MARCHF1: variants seen among roughly 807,000 people sequenced by gnomAD.
MARCHF1 encodes E3 ubiquitin-protein ligase MARCHF1.
Under a neutral mutation model 54.2 loss-of-function variants are expected in MARCHF1, and 40 were observed. The ratio of observed to expected loss-of-function variants is 0.74; its 90% CI spans 0.57 to 0.96. MARCHF1 has a LOEUF of 0.96. Among genes scored for constraint, MARCHF1 ranks in the 40% least tolerant of loss-of-function variants. The pLI is 0.00. For missense variants in MARCHF1, 586 were observed against 656.5 expected (o/e 0.89, Z 1.17); for synonymous variants, 236 against 236.3 (o/e 1.00, Z 0.01).
chr4:163,989,527 C>T (rs946946937), intron 2 of MARCHF1, among the ~76,000 whole-genome samples: 3 of 152,106 alleles, frequency 2.0e-5, no homozygotes, highest in Non-Finnish European at 4.4e-5. Context: ...AGCAGCTTCT[C>T]CTTGCTTTTC....
At chr4:164,062,055 G>C (rs1754628812) in intron 2 of MARCHF1, among the ~76,000 whole-genome samples, 1 of 152,176 alleles carries the variant, frequency 6.6e-6, no homozygotes, top group African/African-American at 2.4e-5. Context: ...CCCTCCTGCT[G>C]CTTTATCAAC....
intron 1 of MARCHF1, among the ~76,000 whole-genome samples, chr4:164,171,422 TGATTTGAAAG>T (rs1450984262): frequency 6.6e-6 from 1 of 152,160 alleles, no homozygotes; most frequent in Non-Finnish European, 1.5e-5. Context: ...TCTACCCACT[TGATTTGAAAG>T]TGTATGGCTT....
chr4:163,689,796 C>A lies in MARCHF1; in HGVS notation c.162+11017G>T, dbSNP rs558074214. Among the ~76,000 whole-genome samples the A allele has an allele frequency of 4.6e-5, 7 of 152,098 alleles. 1 individual carries two copies. In the South Asian group the frequency reaches 1.0e-3, roughly 23 times the overall value. On this transcript the variant is annotated intron_variant, in intron 5 of 9. Transcript: ENST00000514618. ...CATCATCTGGCATATTTAAAATACA[C>A]GATATCCTAAATTCATGTCATAAGT...
chr4:164,377,852 A>G (rs16999488), intron 1 of MARCHF1, among the ~76,000 whole-genome samples: 3,458 of 152,302 alleles, frequency 0.023, 154 homozygotes, highest in African/African-American at 0.079. Flanking sequence ...TTCGTTTTAT[A>G]CCACTTCTAA....
At chr4:164,362,250 TA>T (rs542540527) in intron 1 of MARCHF1, among the ~76,000 whole-genome samples, 1 of 152,240 alleles carries the variant, frequency 6.6e-6, no homozygotes, top group East Asian at 1.9e-4. Flanking sequence ...TACATACTTT[TA>T]AAAAAATTAA....
At chr4:164,024,462 G>A (rs1753727297) in intron 2 of MARCHF1, among the ~76,000 whole-genome samples, 1 of 152,004 alleles carries the variant, frequency 6.6e-6, no homozygotes. Context: ...AAAAATTACA[G>A]CCAAGAATTT....
rs145155631 is a variant in MARCHF1 at position 163,657,905 on chromosome 4, A to G, written c.162+42908T>C. ...CCCCTTCTTTACATGTTATATAAAA[A>G]CTAACCCAAGATGGATTAAAGACTT... is the stretch of plus-strand genomic sequence containing the variant. On this transcript the variant is annotated intron_variant, in intron 5 of 9. Transcript: ENST00000514618. Among the ~76,000 whole-genome samples the G allele has an allele frequency of 5.7e-3, 870 of 152,184 alleles. 9 individuals carry two copies. Among genetic ancestry groups the G allele is most frequent in the African/African-American group, 0.02 (840 of 41,518 alleles).
Position 164,163,859 on chromosome 4 carries a change from G to T in MARCHF1, c.-322-52197C>A, listed in dbSNP as rs541690187. On this transcript the variant is annotated intron_variant, in intron 1 of 9. Coordinates refer to ENST00000514618, the MANE Select transcript of MARCHF1 (RefSeq NM_001394959.1). ...CTGGGTCACAAAACAAATCTTAAAA[G>T]ATTAACAGTAATAGAAAGTATGTTC... Among the ~76,000 whole-genome samples, 11 of 151,912 alleles carry T rather than the reference G, an allele frequency of 7.2e-5. 1 individual carries two copies. The South Asian group carries it at 2.3e-3, about 32-fold the overall frequency.
intron 1 of MARCHF1, among the ~76,000 whole-genome samples, chr4:164,151,364 T>C (rs1028085829): frequency 6.6e-6 from 1 of 152,190 alleles, no homozygotes; most frequent in East Asian, 1.9e-4. Flanking sequence ...GTGCCATCAG[T>C]TGAGTGGTGA....
intron 1 of MARCHF1, among the ~76,000 whole-genome samples, chr4:164,223,101 C>T (rs1732159013): frequency 6.6e-6 from 1 of 151,926 alleles, no homozygotes; most frequent in Admixed American, 6.6e-5. Context: ...GACATAGCCC[C>T]CATGATTCAA....
intron 1 of MARCHF1, among the ~76,000 whole-genome samples, chr4:164,326,715 TA>T (rs896236480): frequency 6.6e-6 from 1 of 152,192 alleles, no homozygotes; most frequent in African/African-American, 2.4e-5. Flanking sequence ...ATAAGATAAC[TA>T]AAAATGTTCT....
At chr4:164,175,211 T>C (rs935546798) in intron 1 of MARCHF1, among the ~76,000 whole-genome samples, 1 of 152,182 alleles carries the variant, frequency 6.6e-6, no homozygotes, top group African/African-American at 2.4e-5. Flanking sequence ...AGTAATTAAT[T>C]CACTGCAATT....
intron 2 of MARCHF1, among the ~76,000 whole-genome samples, chr4:164,032,202 G>A (rs1045876109): frequency 2.0e-5 from 3 of 151,988 alleles, no homozygotes; most frequent in East Asian, 1.9e-4. Flanking sequence ...TTCTTATTGT[G>A]TCTATTTGAT....
intron 1 of MARCHF1, among the ~76,000 whole-genome samples, chr4:164,241,548 T>A (rs1732751641): frequency 6.6e-6 from 1 of 152,190 alleles, no homozygotes; most frequent in African/African-American, 2.4e-5. Context: ...ATTTCTCTTT[T>A]CTGTGTATAT....
intron 5 of MARCHF1, among the ~76,000 whole-genome samples, chr4:163,672,710 C>A (rs936758873): frequency 3.3e-5 from 5 of 152,184 alleles, no homozygotes; most frequent in Non-Finnish European, 7.3e-5. Flanking sequence ...CTTACAACAA[C>A]AGACATTTAT....
chr4:163,849,334 A>G (rs1175952370), intron 4 of MARCHF1, among the ~76,000 whole-genome samples: 6 of 143,338 alleles, frequency 4.2e-5, no homozygotes, highest in African/African-American at 7.6e-5. Context: ...CACTTAGAAA[A>G]GTTCTTGGAA....
intron 4 of MARCHF1, among the ~76,000 whole-genome samples, chr4:163,820,499 C>T (rs1389701): frequency 0.79 from 120,277 of 151,958 alleles, 48,589 homozygotes; most frequent in South Asian, 0.91. Context: ...TGTACTCATA[C>T]GTATCTTCAA....
At chr4:163,597,778 G>C (rs1719442026) in intron 7 of MARCHF1, among the ~76,000 whole-genome samples, 1 of 152,078 alleles carries the variant, frequency 6.6e-6, no homozygotes, top group African/African-American at 2.4e-5. Context: ...GTTATCAGTA[G>C]ATACTGAGTT....
intron 5 of MARCHF1, among the ~76,000 whole-genome samples, chr4:163,643,411 G>T (rs902918033): frequency 6.6e-6 from 1 of 151,870 alleles, no homozygotes; most frequent in African/African-American, 2.4e-5. Flanking sequence ...CTGGCTTCAG[G>T]TGATCCTCCT....
Sources: gnomAD v4.1 joint callset for allele counts (sites outside exome capture counted in the v4.1 genomes callset) on GRCh38, gnomAD v4.1.1 for gene constraint, MANE v1.5 for transcripts, NCBI Gene and HGNC (gene_info 2026-07-23, HGNC 2026-07-21) for gene names.